Variants in BCL2 observed in about 807,000 individuals in gnomAD.
BCL2 encodes the protein apoptosis regulator Bcl-2.
BCL2 carries 1 observed loss-of-function variant against 14.2 expected under a neutral mutation model. That is an observed-to-expected ratio of 0.07 (90% confidence interval 0.02 to 0.33). The LOEUF (loss-of-function observed/expected upper bound fraction) is 0.33. Ranked by LOEUF, BCL2 falls within the 10% of genes least tolerant of loss-of-function variation. The pLI, the probability that BCL2 is intolerant of heterozygous loss-of-function variation, is 0.99. For synonymous variants in BCL2, 151 were observed against 137.2 expected (o/e 1.10, Z -0.70); for missense variants, 247 against 305.9 (o/e 0.81, Z 1.44).
At chr18:63,168,739 A>G (rs868219393) in intron 2 of BCL2, among the ~76,000 whole-genome samples, 7 of 152,196 alleles carry the variant, frequency 4.6e-5, no homozygotes, top group African/African-American at 1.7e-4. Context: ...CTAAATTTCC[A>G]AAGATTCCCT....
intron 2 of BCL2, among the ~76,000 whole-genome samples, chr18:63,293,497 C>G (rs1246791042): frequency 6.6e-6 from 1 of 152,192 alleles, no homozygotes; most frequent in African/African-American, 2.4e-5. Context: ...AAAGGAACGA[C>G]CAGCAAGAAA....
chr18:63,300,351 A>T (rs1420153660), intron 2 of BCL2, among the ~76,000 whole-genome samples: 1 of 151,914 alleles, frequency 6.6e-6, no homozygotes, highest in South Asian at 2.1e-4. Context: ...ACACACACAC[A>T]TTCACAGAGA....
chr18:63,238,817 T>C (rs897884306), intron 2 of BCL2, among the ~76,000 whole-genome samples: 2 of 152,154 alleles, frequency 1.3e-5, no homozygotes, highest in Admixed American at 1.3e-4. Flanking sequence ...AGCGGAAGGG[T>C]ACCAGCAAGA....
intron 2 of BCL2, chr18:63,151,340 T>G (rs780435435): frequency 2.6e-5 from 4 of 151,586 alleles, no homozygotes; most frequent in Admixed American, 6.6e-5. Context: ...AACCCTGGGG[T>G]GGATTCAAGA....
At chr18:63,248,673 T>C (rs1394650292) in intron 2 of BCL2, among the ~76,000 whole-genome samples, 2 of 152,198 alleles carry the variant, frequency 1.3e-5, no homozygotes, top group Non-Finnish European at 2.9e-5. Context: ...ACCCTGGGGA[T>C]ACTGCCTCAA....
intron 2 of BCL2, among the ~76,000 whole-genome samples, chr18:63,236,239 T>C (rs1313189210): frequency 6.6e-6 from 1 of 152,220 alleles, no homozygotes; most frequent in Non-Finnish European, 1.5e-5. Flanking sequence ...CCATTAAAAC[T>C]TTTTCTTTAC....
At chr18:63,169,306 T>TCC (rs1568222447) in intron 2 of BCL2, among the ~76,000 whole-genome samples, 18 of 71,980 alleles carry the variant, frequency 2.5e-4, no homozygotes, top group Non-Finnish European at 3.9e-4. Context: ...CTTTCTTTCT[T>TCC]TCTTCCTTCC....
At chr18:63,280,181 C>T (rs1206415226) in intron 2 of BCL2, among the ~76,000 whole-genome samples, 4 of 152,180 alleles carry the variant, frequency 2.6e-5, no homozygotes, top group Admixed American at 2.6e-4. Context: ...CCATGCCAAA[C>T]TGCATGAGAT....
At chr18:63,189,650 C>A (rs1909229329) in intron 2 of BCL2, among the ~76,000 whole-genome samples, 2 of 151,866 alleles carry the variant, frequency 1.3e-5, no homozygotes, top group Admixed American at 6.6e-5. Flanking sequence ...TTTGAGGAAG[C>A]CCCCCAGATT....
At chr18:63,150,191 G>A (rs914360658) in intron 2 of BCL2, among the ~76,000 whole-genome samples, 4 of 152,208 alleles carry the variant, frequency 2.6e-5, no homozygotes, top group Non-Finnish European at 4.4e-5. Flanking sequence ...CCTGACATGA[G>A]GCTTTTAGGT....
chr18:63,211,199 A>G (rs767354986), intron 2 of BCL2, among the ~76,000 whole-genome samples: 4 of 150,380 alleles, frequency 2.7e-5, no homozygotes, highest in Non-Finnish European at 5.9e-5. Context: ...CTGGGACTAC[A>G]GGTGGGCATC....
rs558751352 is a variant in BCL2 at position 63,296,809 on chromosome 18, A to G, written c.585+21273T>C. On this transcript the variant is annotated intron_variant, in intron 2 of 2. Coordinates refer to ENST00000333681, the MANE Select transcript of BCL2 (RefSeq NM_000633.3). ...ACTGTAGCTCATTGAAGAAAAAAGG[A>G]AAGGTCTTTCTATCCTCCTATATAG... Among the ~76,000 whole-genome samples, 4 of 152,368 alleles carry G rather than the reference A, an allele frequency of 2.6e-5. No individual in the cohort carries two copies. The East Asian group carries it at 5.8e-4, about 22-fold the overall frequency.
At chr18:63,200,710 G>A (rs1909666661) in intron 2 of BCL2, among the ~76,000 whole-genome samples, 2 of 152,138 alleles carry the variant, frequency 1.3e-5, no homozygotes, top group Admixed American at 1.3e-4. Flanking sequence ...CAACACGGGT[G>A]GGAGAAAACT....
At chr18:63,241,170 C>T (rs1348600882) in intron 2 of BCL2, among the ~76,000 whole-genome samples, 7 of 152,382 alleles carry the variant, frequency 4.6e-5, no homozygotes, top group Non-Finnish European at 8.8e-5. Context: ...CCATAGCTTT[C>T]TAACTCCCGG....
At chr18:63,311,317 C>G (rs962269508) in intron 2 of BCL2, among the ~76,000 whole-genome samples, 4 of 152,090 alleles carry the variant, frequency 2.6e-5, no homozygotes, top group African/African-American at 9.7e-5. Flanking sequence ...TGGAAAAAGT[C>G]AAGAAGAGAC....
chr18:63,287,690 G>A (rs954106021), intron 2 of BCL2, among the ~76,000 whole-genome samples: 1 of 152,190 alleles, frequency 6.6e-6, no homozygotes, highest in African/African-American at 2.4e-5. Context: ...GACTGGCTAG[G>A]AGGTTACAGC....
rs117640948 is a variant in BCL2 at position 63,126,288 on chromosome 18, C to G, written c.*2337G>C. 9.0e-6 allele frequency: 2 copies of G among 221,482 alleles called. No individual in the cohort carries two copies. The highest frequency in any genetic ancestry group is 1.3e-4 in the East Asian group (2 of 15,304). The allele number at this position is 221,482 out of a possible 1,614,324, so 13.7% of individuals were successfully genotyped here. A position where few individuals can be genotyped will look rare whatever the true frequency, so the allele number is the denominator to read the frequency against. On this transcript the variant is annotated 3_prime_UTR_variant, in exon 3 of 3. Coordinates refer to ENST00000333681, the MANE Select transcript of BCL2 (RefSeq NM_000633.3). ...TAAGCACCACTGCATTTCAGGAAGA[C>G]CCTGAAGGACAGCCATGAGAAAGCC...
At chr18:63,313,832 A>T (rs539119314) in intron 2 of BCL2, 2 of 152,232 alleles carry the variant, frequency 1.3e-5, no homozygotes, top group South Asian at 4.1e-4. Flanking sequence ...TTTTTAATTT[A>T]TGGCTTTCTG....
At chr18:63,241,423 C>T (rs1291789143) in intron 2 of BCL2, among the ~76,000 whole-genome samples, 7 of 152,178 alleles carry the variant, frequency 4.6e-5, no homozygotes, top group African/African-American at 1.7e-4. Context: ...GCGAAAAATT[C>T]TTATCCCAAG....
Sources: gnomAD v4.1 joint callset for allele counts (sites outside exome capture counted in the v4.1 genomes callset) on GRCh38, gnomAD v4.1.1 for gene constraint, MANE v1.5 for transcripts, NCBI Gene and HGNC (gene_info 2026-07-23, HGNC 2026-07-21) for gene names.